TXNDC12: variants seen among roughly 807,000 people sequenced by gnomAD.
TXNDC12 encodes thioredoxin domain-containing protein 12.
TXNDC12 carries 22 observed loss-of-function variants against 24.2 expected under a neutral mutation model. The observed-to-expected ratio is 0.91, with a 90% CI of 0.65 to 1.30. TXNDC12 has a LOEUF of 1.30. TXNDC12 is among the 50% of genes most tolerant of loss of function. The pLI, the probability that TXNDC12 is intolerant of heterozygous loss-of-function variation, is 0.00. For synonymous variants in TXNDC12, 58 were observed against 73.4 expected (o/e 0.79, Z 1.07); for missense variants, 184 against 205.8 (o/e 0.89, Z 0.65).
intron 2 of TXNDC12, chr1:52,030,564 A>G (rs1685735818): frequency 6.6e-6 from 1 of 152,232 alleles, no homozygotes; most frequent in Non-Finnish European, 1.5e-5. Context: ...TATCAGAAAC[A>G]AAAGGTAGTA....
rs775336574 is a variant in TXNDC12 at position 52,027,347 on chromosome 1, A to G, written c.213T>C (p.Ala71=). 2.5e-6 allele frequency: 4 copies of G among 1,611,084 alleles called. No individual in the cohort carries two copies. The South Asian group carries it at 4.4e-5, about 18-fold the overall frequency. Residue 71 remains alanine, a splice_region_variant and synonymous_variant, in exon 4 of 7, where the codon GCT becomes GCC. Transcript: ENST00000371626. ...TAGATTCTGCAAATTTGGGCTTTAG[A>G]GCTGGGGGGAAAAAGATTTTGGAAT... The part of the protein sequence containing the change: ...IHKSWCGACK[A]LKPKFAESTE...
chr1:52,043,677 A>C (rs1429892076), intron 1 of TXNDC12, among the ~76,000 whole-genome samples: 1 of 152,258 alleles, frequency 6.6e-6, no homozygotes, highest in African/African-American at 2.4e-5. Flanking sequence ...ATCAGTAAGT[A>C]GTAGCTTTTG....
At chr1:52,037,162 TGTA>T (rs1363779277) in intron 2 of TXNDC12, among the ~76,000 whole-genome samples, 3 of 151,974 alleles carry the variant, frequency 2.0e-5, no homozygotes, top group Non-Finnish European at 4.4e-5. Context: ...CACCCCCTGA[TGTA>T]GTAGCTGATT....
chr1:52,047,228 T>C (rs1251415177), intron 1 of TXNDC12, among the ~76,000 whole-genome samples: 1 of 152,164 alleles, frequency 6.6e-6, no homozygotes, highest in Non-Finnish European at 1.5e-5. Flanking sequence ...GGAATAATGA[T>C]GGTTTATCAG....
chr1:52,043,088 C>T (rs1001796556), intron 1 of TXNDC12, among the ~76,000 whole-genome samples: 2 of 152,316 alleles, frequency 1.3e-5, no homozygotes, highest in East Asian at 3.9e-4. Flanking sequence ...ATGAGAGTAG[C>T]ACGCACTCTC....
At chr1:52,027,386 T>G (rs749761986) in intron 3 of TXNDC12, 38 bp from the exon 4 acceptor site, 1 of 1,417,184 alleles carries the variant, frequency 7.1e-7, no homozygotes, top group Admixed American at 1.7e-5. Context: ...AGAAAAAACA[T>G]CATTGTCACA....
At chr1:52,036,349 G>A (rs370884764) in intron 2 of TXNDC12, among the ~76,000 whole-genome samples, 1 of 152,004 alleles carries the variant, frequency 6.6e-6, no homozygotes, top group Non-Finnish European at 1.5e-5. Context: ...AGAAGAAAAA[G>A]AAAATCATAA....
In TXNDC12 at chr1:52,041,600, G is replaced by C. The variant is rs200126480; in HGVS notation, c.98-3C>G. 2.4e-4 allele frequency: 386 copies of C among 1,604,916 alleles called. 1 individual carries two copies. The African/African-American group carries it at 4.8e-3, about 20-fold the overall frequency. ...CCAATGAATATGATCTCCAAAACCT[G>C]GAAGGAAAGAACTTTATAAGCATTC... On this transcript the variant is annotated splice_polypyrimidine_tract_variant and splice_region_variant and intron_variant, in intron 1 of 6. Transcript: ENST00000371626.
At chr1:52,048,771 C>T (rs913338547) in intron 1 of TXNDC12, among the ~76,000 whole-genome samples, 5 of 151,968 alleles carry the variant, frequency 3.3e-5, no homozygotes, top group Admixed American at 6.6e-5. Context: ...GTGGGAGAAT[C>T]GCTTAAACCC....
upstream of TXNDC12, chr1:52,055,560 G>A (rs1223869168): frequency 5.0e-5 from 9 of 181,244 alleles, no homozygotes; most frequent in African/African-American, 2.1e-4. Context: ...TTGCCCACTG[G>A]CCTCGGATTC....
At chr1:52,048,299 T>C (rs1472718885) in intron 1 of TXNDC12, among the ~76,000 whole-genome samples, 1 of 151,942 alleles carries the variant, frequency 6.6e-6, no homozygotes, top group South Asian at 2.1e-4. Context: ...ACCTCACCTC[T>C]ACAAAAAAAT....
Position 52,046,146 on chromosome 1 carries a change from C to T in TXNDC12, c.98-4549G>A, listed in dbSNP as rs139369810. On this transcript the variant is annotated intron_variant, in intron 1 of 6. Transcript: ENST00000371626. Reference sequence around the variant, plus strand: ...GAGGATCGATTGAGCCTGTAGTGAGCTGTGATTGCCCCACTGCACTCCAGC... The same window carrying T: ...GAGGATCGATTGAGCCTGTAGTGAGTTGTGATTGCCCCACTGCACTCCAGC... Among the ~76,000 whole-genome samples the T allele has an allele frequency of 4.8e-3, 728 of 151,362 alleles. 6 individuals carry two copies. Among genetic ancestry groups the T allele is most frequent in the African/African-American group, 0.017 (702 of 41,304 alleles).
At chr1:52,042,316 A>G (rs1437084579) in intron 1 of TXNDC12, among the ~76,000 whole-genome samples, 4 of 152,180 alleles carry the variant, frequency 2.6e-5, no homozygotes, top group Non-Finnish European at 4.4e-5. Context: ...AAAACTTTCA[A>G]AGGCTTTCCA....
intron 1 of TXNDC12, among the ~76,000 whole-genome samples, chr1:52,053,047 C>T (rs1686247015): frequency 6.7e-6 from 1 of 150,308 alleles, no homozygotes; most frequent in Admixed American, 6.7e-5. Flanking sequence ...AGTTTGAGAT[C>T]AGCCTGGCCA....
rs775919690 is a variant in TXNDC12, at chr1:52,020,802, G to T, written c.*131C>A. On this transcript the variant is annotated 3_prime_UTR_variant, in exon 7 of 7. Transcript: ENST00000371626. The stretch of plus-strand genomic sequence containing the variant: ...AGCAGAACTCTTCCACAGTGAGAGC[G>T]CTCCTTCCAGTGTAGGTAGGAATGA... 21 of 676,640 alleles carry T rather than the reference G, an allele frequency of 3.1e-5. No homozygotes were observed. In the South Asian group the frequency reaches 4.1e-4, roughly 13 times the overall value. 41.9% of individuals were successfully genotyped at this position (676,640 alleles called of 1,614,324 possible).
upstream of TXNDC12, chr1:52,055,532 C>T (rs762976477): frequency 2.9e-4 from 56 of 193,380 alleles, no homozygotes; most frequent in Admixed American, 4.4e-4. Flanking sequence ...AGGTCAGTCG[C>T]TCCCAACAGT....
chr1:52,031,194 C>T (rs1409206734), intron 2 of TXNDC12, among the ~76,000 whole-genome samples: 11 of 146,200 alleles, frequency 7.5e-5, no homozygotes, highest in Non-Finnish European at 1.3e-4. Context: ...GAGTCTCCTT[C>T]TGTCACCTAG....
chr1:52,055,981 T>C (rs894076644), upstream of TXNDC12: 8 of 152,194 alleles, frequency 5.3e-5, no homozygotes, highest in African/African-American at 1.9e-4. Context: ...CTGGTACTAG[T>C]TGAGTCCTAA....
At position 52,027,409 on chromosome 1, in the gene TXNDC12, C is replaced by T. The variant is rs1482819544; in HGVS notation, c.212-61G>A. 32 of 1,212,316 alleles carry T rather than the reference C, an allele frequency of 2.6e-5. 1 individual carries two copies. The East Asian group carries it at 4.7e-4, about 18-fold the overall frequency. The allele number at this position is 1,212,316 out of a possible 1,614,324, so 75.1% of individuals were successfully genotyped here. A position where few individuals can be genotyped will look rare whatever the true frequency, so the allele number is the denominator to read the frequency against. ...CATCATTGTCACAACTAAACCTTAA[C>T]GAACATAAGCATCACTATTTCTCTT... is the stretch of plus-strand genomic sequence containing the variant. On this transcript the variant is annotated intron_variant, in intron 3 of 6. Coordinates refer to ENST00000371626, the MANE Select transcript of TXNDC12 (RefSeq NM_015913.4).
Sources: gnomAD v4.1 joint callset for allele counts (sites outside exome capture counted in the v4.1 genomes callset) on GRCh38, gnomAD v4.1.1 for gene constraint, MANE v1.5 for transcripts, NCBI Gene and HGNC (gene_info 2026-07-23, HGNC 2026-07-21) for gene names.